APOBEC3F: variants seen among roughly 807,000 people sequenced by gnomAD.
APOBEC3F encodes apolipoprotein B mRNA editing enzyme catalytic subunit 3F, also known as DNA dC->dU-editing enzyme APOBEC-3F.
APOBEC3F carries 34 observed loss-of-function variants against 45.8 expected under a neutral mutation model. That is an observed-to-expected ratio of 0.74 (90% CI 0.57 to 0.99). APOBEC3F has a LOEUF of 0.99. Ranked by LOEUF, APOBEC3F falls within the 50% of genes least tolerant of loss-of-function variation. APOBEC3F has a pLI of 0.00. For missense variants in APOBEC3F, 459 were observed against 474.1 expected, an observed-to-expected ratio of 0.97 and a Z score of 0.30; for synonymous variants, 192 against 174.4, an observed-to-expected ratio of 1.10 and a Z score of -0.80.
chr22:39,042,964 C>T lies in APOBEC3F; in HGVS notation c.45C>T (p.Asp15=). The change falls in exon 2 of 7, where the codon GAC becomes GAT. Residue 15 remains aspartate (D), a synonymous_variant. Transcript: ENST00000308521. Reference sequence around the variant, plus strand: ...ACACAGTGGAGCGAATGTATCGAGACACATTCTCCTACAACTTTTATAATA... The same window carrying T: ...ACACAGTGGAGCGAATGTATCGAGATACATTCTCCTACAACTTTTATAATA... ...FRNTVERMYR[D]TFSYNFYNRP... 6.2e-7 allele frequency: 1 copy of T among 1,614,060 alleles called. No homozygotes were observed. Among genetic ancestry groups the T allele is most frequent in the Non-Finnish European group, 8.5e-7 (1 of 1,179,964 alleles).
chr22:39,049,363 G>A, intron 4 of APOBEC3F, 62 bp from the exon 5 acceptor site: 1 of 1,574,402 alleles, frequency 6.4e-7, no homozygotes, highest in Admixed American at 1.7e-5. Flanking sequence ...GTGTTCAGTG[G>A]GCATCAGCTC....
At chr22:39,049,654 C>T (rs963855393) in intron 5 of APOBEC3F, 73 bp downstream of exon 5, 156 of 1,536,108 alleles carry the variant, frequency 1.0e-4, no homozygotes, top group Non-Finnish European at 1.3e-4. Context: ...CAATAAGTGA[C>T]GTGCCTGGCG....
chr22:39,047,453 C>T (rs889126951), intron 4 of APOBEC3F, among the ~76,000 whole-genome samples: 6 of 152,086 alleles, frequency 3.9e-5, no homozygotes, highest in African/African-American at 1.2e-4. Flanking sequence ...AAGCCCAGGA[C>T]TACCATCAGG....
intron 1 of APOBEC3F, among the ~76,000 whole-genome samples, chr22:39,041,877 CA>C (rs752640322): frequency 6.6e-6 from 1 of 151,814 alleles, no homozygotes; most frequent in Non-Finnish European, 1.5e-5. Context: ...GAAAAAAAAA[CA>C]AAAACAAAAA....
rs545407115 is a variant in APOBEC3F, at chr22:39,040,916, C to G, written c.-45C>G. The G allele has an allele frequency of 5.2e-5, 81 of 1,558,700 alleles. No homozygotes were observed. Among genetic ancestry groups the G allele is most frequent in the Non-Finnish European group, 5.7e-5 (66 of 1,150,600 alleles). ...GGAGCCTGGAGCAGAAAGTGAAACC[C>G]TGGTGCTCCAGACAAAGATCTTAGT... On this transcript the variant is annotated 5_prime_UTR_variant, in exon 1 of 7. Transcript: ENST00000308521.
chr22:39,049,063 C>T (rs1024894328), intron 4 of APOBEC3F, among the ~76,000 whole-genome samples: 2 of 151,928 alleles, frequency 1.3e-5, no homozygotes, highest in African/African-American at 4.8e-5. Context: ...TAAAAAGAAT[C>T]ATCATCATCG....
At position 39,045,612 on chromosome 22, in the gene APOBEC3F, T is replaced by A. The variant is rs1927178266; in HGVS notation, c.566+70T>A. ...CTGCTCATCCTCCTGAGGCCTCCCC[T>A]GGCCAGGCCCTCCTGCCCTCCGTCC... On this transcript the variant is annotated intron_variant, in intron 4 of 6. Transcript: ENST00000308521. The A allele has an allele frequency of 6.2e-6, 10 of 1,606,034 alleles. No individual in the cohort carries two copies. The South Asian group carries it at 1.1e-4, about 18-fold the overall frequency.
In APOBEC3F at chr22:39,052,866, C is replaced by T; in HGVS notation, c.*171C>T. On this transcript the variant is annotated 3_prime_UTR_variant, in exon 7 of 7. Coordinates refer to ENST00000308521, the MANE Select transcript of APOBEC3F (RefSeq NM_145298.6). The stretch of plus-strand genomic sequence containing the variant: ...CCTCACCACCTCCTCTCCGCTCTCC[C>T]AGGCTCTTCCTGCAGAGGCCTCTTT... The T allele has an allele frequency of 1.4e-6, 2 of 1,404,538 alleles. No individual in the cohort carries two copies. The highest frequency in any genetic ancestry group is 1.9e-6 in the Non-Finnish European group (2 of 1,079,478). 87.0% of individuals were successfully genotyped at this position (1,404,538 alleles called of 1,614,324 possible).
In APOBEC3F at chr22:39,052,737, T is replaced by C. The variant is rs1321502926; in HGVS notation, c.*42T>C. The C allele has an allele frequency of 6.3e-7, 1 of 1,587,478 alleles. No individual in the cohort carries two copies. The highest frequency in any genetic ancestry group is 1.2e-5 in the South Asian group (1 of 86,482). On this transcript the variant is annotated 3_prime_UTR_variant, in exon 7 of 7. Transcript: ENST00000308521. ...TCATGGTCTGTCTCCTCTAGCCTCC[T>C]GCTCATGTTGTGCAGGCCTCCCCTC...
rs926525398 is a variant in APOBEC3F at position 39,043,150 on chromosome 22, C to T, written c.171+60C>T. 7 of 1,592,080 alleles carry T rather than the reference C, an allele frequency of 4.4e-6. No individual in the cohort carries two copies. In the African/African-American group the frequency reaches 5.4e-5, roughly 12 times the overall value. ...AGCTAAGCCAGCTGGGAAAGCAAAC[C>T]ACGCACTGATAAGTGAAGTGCCCGG... On this transcript the variant is annotated intron_variant, in intron 2 of 6. Transcript: ENST00000308521.
chr22:39,044,807 G>C (rs1206580854), intron 2 of APOBEC3F, 134 bp from the exon 3 acceptor site: 2 of 825,206 alleles, frequency 2.4e-6, no homozygotes, highest in Admixed American at 2.8e-5. Context: ...AACTAAACAG[G>C]GGGGATGGAG....
chr22:39,048,678 G>A (rs1927335764), intron 4 of APOBEC3F, among the ~76,000 whole-genome samples: 1 of 152,142 alleles, frequency 6.6e-6, no homozygotes, highest in Admixed American at 6.5e-5. Flanking sequence ...GTTGTGGCAC[G>A]TGCCTGCAGT....
chr22:39,053,465 A>C lies in APOBEC3F; in HGVS notation c.*770A>C, dbSNP rs547050860. On this transcript the variant is annotated 3_prime_UTR_variant, in exon 7 of 7. Transcript: ENST00000308521. ...CTCTACAAAAAAATTACAAAAAAAAAAAAAACAGGTGTGGTGGCATGCACC... is the reference window on the plus strand; with the variant it reads ...CTCTACAAAAAAATTACAAAAAAAACAAAAACAGGTGTGGTGGCATGCACC... 7 of 152,092 alleles carry C rather than the reference A, an allele frequency of 4.6e-5. No homozygotes were observed. Among genetic ancestry groups the C allele is most frequent in the South Asian group, 2.1e-4 (1 of 4,818 alleles). The allele number at this position is 152,092 out of a possible 1,614,324, so 9.4% of individuals were successfully genotyped here.
At position 39,045,199 on chromosome 22, in the gene APOBEC3F, G is replaced by C; in HGVS notation, c.430G>C (p.Val144Leu). 6 of 1,614,170 alleles carry C rather than the reference G, an allele frequency of 3.7e-6. No individual in the cohort carries two copies. The highest frequency in any genetic ancestry group is 5.1e-6 in the Non-Finnish European group (6 of 1,180,024). ...CAGGCTGAGTCAGGCAGGGGCCCGCGTGAAGATTATGGACGATGAAGGTGA... is the reference window on the plus strand; with the variant it reads ...CAGGCTGAGTCAGGCAGGGGCCCGCCTGAAGATTATGGACGATGAAGGTGA... ...LCRLSQAGARVKIMDDEEFAY... is the reference protein window; with the variant it reads ...LCRLSQAGARLKIMDDEEFAY... Residue 144 changes from valine to leucine, a missense_variant, in exon 3 of 7, where the codon GTG becomes CTG. Coordinates refer to ENST00000308521, the MANE Select transcript of APOBEC3F (RefSeq NM_145298.6).
chr22:39,040,922 C>T lies in APOBEC3F; in HGVS notation c.-39C>T. The T allele has an allele frequency of 1.3e-6, 2 of 1,561,302 alleles. No individual in the cohort carries two copies. Among genetic ancestry groups the T allele is most frequent in the Non-Finnish European group, 1.7e-6 (2 of 1,151,960 alleles). ...TGGAGCAGAAAGTGAAACCCTGGTG[C>T]TCCAGACAAAGATCTTAGTCGGGAC... On this transcript the variant is annotated 5_prime_UTR_variant, in exon 1 of 7. Transcript: ENST00000308521.
At chr22:39,044,609 A>G (rs1236765984) in intron 2 of APOBEC3F, among the ~76,000 whole-genome samples, 2 of 152,104 alleles carry the variant, frequency 1.3e-5, no homozygotes, top group African/African-American at 4.8e-5. Context: ...TTAGTCTGAC[A>G]TACTGCCCCC....
At chr22:39,043,298 G>GGTTTTTT (rs1569068674) in intron 2 of APOBEC3F, among the ~76,000 whole-genome samples, 2 of 120,072 alleles carry the variant, frequency 1.7e-5, no homozygotes. Context: ...AAGGCCTTGT[G>GGTTTTTT]TTTTTTTTTT....
chr22:39,043,774 T>C (rs559609253), intron 2 of APOBEC3F, among the ~76,000 whole-genome samples: 1 of 151,638 alleles, frequency 6.6e-6, no homozygotes, highest in South Asian at 2.1e-4. Context: ...ATCCCAGCAC[T>C]TTGGGAGGCC....
rs116637572 is a variant in APOBEC3F, at chr22:39,044,328, G to T, written c.172-613G>T. 3,591 of 1,415,490 alleles carry T rather than the reference G, an allele frequency of 2.5e-3. 83 individuals are homozygous for T. The African/African-American group carries it at 0.047, about 19-fold the overall frequency. 87.7% of individuals were successfully genotyped at this position (1,415,490 alleles called of 1,614,324 possible). On this transcript the variant is annotated intron_variant, in intron 2 of 6. Transcript: ENST00000308521. ...AACAGGGCTGGGAAAACTTCCAAAC[G>T]AAGGGAAGCTCATGTCTTGGTGCAC...
Sources: allele counts gnomAD v4.1 joint callset (sites outside exome capture counted in the v4.1 genomes callset), GRCh38; gene constraint gnomAD v4.1.1; transcripts MANE v1.5; gene names NCBI Gene and HGNC (gene_info 2026-07-23, HGNC 2026-07-21).